L3MBTL1: variants seen among roughly 807,000 people sequenced by gnomAD.
The protein encoded by L3MBTL1 is lethal(3)malignant brain tumor-like protein 1.
L3MBTL1 carries 75 observed loss-of-function variants against 105.3 expected under a neutral mutation model. That is an observed-to-expected ratio of 0.71 (90% confidence interval 0.59 to 0.86). The LOEUF is 0.86. L3MBTL1 is among the 40% of genes least tolerant of loss of function. The pLI is 0.00. For synonymous variants in L3MBTL1, 452 were observed against 436.2 expected (o/e 1.04, Z -0.45); for missense variants, 1,069 against 1,126.4 (o/e 0.95, Z 0.73).
intron 8 of L3MBTL1, 82 bp from the exon 9 acceptor site, chr20:43,529,182 A>C: frequency 9.7e-7 from 1 of 1,026,828 alleles, no homozygotes; most frequent in Non-Finnish European, 1.5e-6. Flanking sequence ...TGGGGCCTAA[A>C]GGCAGCTCCT....
chr20:43,548,625 CT>C, exon 19 of L3MBTL1: 2 of 155,800 alleles, frequency 1.3e-5, no homozygotes, highest in Non-Finnish European at 2.8e-5. Flanking sequence ...GCCCCTTTCC[CT>C]TTTTTGGTAT....
At position 43,529,225 on chromosome 20, in the gene L3MBTL1, G is replaced by C. The variant is rs764354876; in HGVS notation, c.952-39G>C. On this transcript the variant is annotated intron_variant, in intron 8 of 21. Coordinates refer to ENST00000418998, the MANE Select transcript of L3MBTL1 (RefSeq NM_001377303.1). ...AAGCCCACTAGGCAAGGATAAGGCT[G>C]GATGGAAGCTGGGTCCTCTCCACTC... 7 of 1,502,682 alleles carry C rather than the reference G, an allele frequency of 4.7e-6. No homozygotes were observed. In the East Asian group the frequency reaches 1.6e-4, roughly 35 times the overall value. The allele number at this position is 1,502,682 out of a possible 1,614,324, so 93.1% of individuals were successfully genotyped here. A position where few individuals can be genotyped will look rare whatever the true frequency, so the allele number is the denominator to read the frequency against.
exon 19 of L3MBTL1, chr20:43,548,336 A>C: frequency 9.3e-6 from 10 of 1,078,374 alleles, no homozygotes; most frequent in Non-Finnish European, 1.2e-5. Flanking sequence ...CATACCCCAC[A>C]CGTCCCCATG....
At chr20:43,529,201 A>G in intron 8 of L3MBTL1, 63 bp from the exon 9 acceptor site, 2 of 1,314,392 alleles carry the variant, frequency 1.5e-6, no homozygotes, top group Non-Finnish European at 2.2e-6. Flanking sequence ...CTTCACCCCA[A>G]GCCCACTAGG....
intron 10 of L3MBTL1, 105 bp downstream of exon 10, chr20:43,530,524 A>G (rs1474495077): frequency 5.2e-5 from 68 of 1,304,900 alleles, no homozygotes; most frequent in Non-Finnish European, 7.2e-5. Flanking sequence ...CTGACCCTGT[A>G]CCCTGTTCCA....
At chr20:43,522,180 C>A (rs533053102) in intron 7 of L3MBTL1, among the ~76,000 whole-genome samples, 15 of 152,200 alleles carry the variant, frequency 9.9e-5, no homozygotes, top group Admixed American at 7.2e-4. Flanking sequence ...CATGGTGAAA[C>A]CCCATCTCTA....
chr20:43,548,344 A>G (rs923900746), exon 19 of L3MBTL1: 6 of 1,071,188 alleles, frequency 5.6e-6, no homozygotes, highest in Non-Finnish European at 7.5e-6. Flanking sequence ...ACACGTCCCC[A>G]TGCTCCACCT....
At chr20:43,539,994 G>C in intron 19 of L3MBTL1, 157 bp from the exon 20 acceptor site, 1 of 769,208 alleles carries the variant, frequency 1.3e-6, no homozygotes, top group Non-Finnish European at 2.2e-6. Flanking sequence ...GGAGTCAGGA[G>C]ATACGGCTCA....
chr20:43,519,354 A>T (rs62224508), intron 7 of L3MBTL1, among the ~76,000 whole-genome samples: 1 of 144,158 alleles, frequency 6.9e-6, no homozygotes, highest in Admixed American at 6.8e-5. Context: ...AAAAAAAAAA[A>T]GGCTGGGTGC....
At chr20:43,518,210 A>G (rs536908637) in intron 7 of L3MBTL1, among the ~76,000 whole-genome samples, 164 of 150,524 alleles carry the variant, frequency 1.1e-3, no homozygotes, top group African/African-American at 3.8e-3. Flanking sequence ...AGAAGTTTGC[A>G]TCTATGACTG....
chr20:43,514,345 A>T, intron 3 of L3MBTL1: 2 of 1,180,686 alleles, frequency 1.7e-6, no homozygotes, highest in East Asian at 2.6e-5. Context: ...GGCCTGTGTT[A>T]GTTTGGGGGC....
intron 18 of L3MBTL1, chr20:43,548,058 C>T: frequency 7.8e-7 from 1 of 1,290,014 alleles, no homozygotes; most frequent in South Asian, 1.2e-5. Context: ...CACCCCTGCC[C>T]CGTGACCCTT....
intron 8 of L3MBTL1, chr20:43,529,023 T>G: frequency 1.7e-6 from 1 of 601,894 alleles, no homozygotes; most frequent in South Asian, 2.0e-5. Context: ...CATTGATCTT[T>G]CCATGACTTT....
Position 43,515,667 on chromosome 20 carries a change from C to A in L3MBTL1, c.777+252C>A, listed in dbSNP as rs1279728899. 3 of 511,436 alleles carry A rather than the reference C, an allele frequency of 5.9e-6. No individual in the cohort carries two copies. The East Asian group carries it at 1.0e-4, about 17-fold the overall frequency. The allele number at this position is 511,436 out of a possible 1,614,324, so 31.7% of individuals were successfully genotyped here. ...CAAGGTTAAGACATAGTCAGGTGAA[C>A]TAGCACCCAAAGTACATGTGCAGGC... On this transcript the variant is annotated intron_variant, in intron 6 of 21. Transcript: ENST00000418998.
chr20:43,527,769 G>T (rs2019109514), intron 7 of L3MBTL1, among the ~76,000 whole-genome samples: 1 of 151,842 alleles, frequency 6.6e-6, no homozygotes, highest in Non-Finnish European at 1.5e-5. Flanking sequence ...ACCCAGACTG[G>T]AGTGCAGTGG....
At chr20:43,538,587 A>G (rs1267605907) in intron 19 of L3MBTL1, among the ~76,000 whole-genome samples, 1 of 152,162 alleles carries the variant, frequency 6.6e-6, no homozygotes, top group Non-Finnish European at 1.5e-5. Flanking sequence ...TTCCATAGGA[A>G]GATCTGCCCG....
intron 16 of L3MBTL1, 32 bp downstream of exon 16, chr20:43,534,974 C>T (rs1473975446): frequency 6.8e-6 from 10 of 1,469,494 alleles, no homozygotes; most frequent in Non-Finnish European, 9.3e-6. Context: ...TGATCTTTTC[C>T]TTTCCCCCCA....
intron 21 of L3MBTL1, 38 bp downstream of exon 21, chr20:43,540,853 T>C: frequency 6.2e-7 from 1 of 1,612,056 alleles, no homozygotes; most frequent in Non-Finnish European, 8.5e-7. Context: ...AGAGCCGGGG[T>C]CACTGTCCTT....
Position 43,533,368 on chromosome 20 carries a change from A to G in L3MBTL1, c.1463A>G (p.His488Arg). The change falls in exon 13 of 22, where the codon CAC becomes CGC. Residue 488 changes from histidine to arginine, a missense_variant. Transcript: ENST00000418998. ...TGTGATCCCAGCAGCCCCTACATCCACCCAGTGGGCTGGTGCCAGAAGCAA... is the reference window on the plus strand; with the variant it reads ...TGTGATCCCAGCAGCCCCTACATCCGCCCAGTGGGCTGGTGCCAGAAGCAA... The part of the protein sequence containing the change: ...YWCDPSSPYI[H>R]PVGWCQKQGK... The G allele has an allele frequency of 1.2e-6, 2 of 1,613,814 alleles. No homozygotes were observed. Among genetic ancestry groups the G allele is most frequent in the Non-Finnish European group, 1.7e-6 (2 of 1,179,912 alleles).
Sources: allele counts gnomAD v4.1 joint callset (sites outside exome capture counted in the v4.1 genomes callset), GRCh38; gene constraint gnomAD v4.1.1; transcripts MANE v1.5; gene names NCBI Gene and HGNC (gene_info 2026-07-23, HGNC 2026-07-21).